The following CPA6 variants were observed in gnomAD, a reference collection of about 807,000 sequenced individuals.
CPA6 encodes the protein carboxypeptidase A6.
In CPA6, 58 loss-of-function variants were observed where a neutral mutation model predicts 63.3. The observed-to-expected ratio is 0.92, with a 90% CI of 0.74 to 1.14. The LOEUF is 1.14. Among genes scored for constraint, CPA6 ranks in the 50% most tolerant of loss-of-function variants. The pLI, the probability that CPA6 is intolerant of heterozygous loss-of-function variation, is 0.00. For missense variants in CPA6, 565 were observed against 526.6 expected (o/e 1.07, Z -0.71); for synonymous variants, 185 against 179.0 (o/e 1.03, Z -0.27).
intron 6 of CPA6, among the ~76,000 whole-genome samples, chr8:67,494,642 G>A (rs1000865601): frequency 6.6e-6 from 1 of 151,974 alleles, no homozygotes; most frequent in Admixed American, 6.6e-5. Flanking sequence ...AATTAAAGTG[G>A]CCTTTCCACA....
At chr8:67,563,965 G>C (rs1813276422) in intron 2 of CPA6, among the ~76,000 whole-genome samples, 1 of 152,066 alleles carries the variant, frequency 6.6e-6, no homozygotes, top group Admixed American at 6.6e-5. Context: ...CCTCTTCAAA[G>C]GTTTCAATAT....
chr8:67,631,960 C>A (rs145632939), intron 1 of CPA6, among the ~76,000 whole-genome samples: 48 of 152,280 alleles, frequency 3.2e-4, no homozygotes, highest in Non-Finnish European at 6.0e-4. Flanking sequence ...TCAGAAGGAA[C>A]AACTCCAGAC....
chr8:67,613,111 C>T (rs1814851977), intron 2 of CPA6, among the ~76,000 whole-genome samples: 2 of 152,204 alleles, frequency 1.3e-5, no homozygotes, highest in South Asian at 4.1e-4. Context: ...AATCCCACTT[C>T]CTCCATAAAA....
rs532210520 is a variant in CPA6, at chr8:67,656,617, C to T, written c.117-32366G>A. 7.2e-5 allele frequency among the ~76,000 whole-genome samples: 11 copies of T among 152,306 alleles called. No homozygotes were observed. In the East Asian group the frequency reaches 1.9e-3, roughly 27 times the overall value. On this transcript the variant is annotated intron_variant, in intron 1 of 10. Coordinates refer to ENST00000297770, the MANE Select transcript of CPA6 (RefSeq NM_020361.5). ...CATCAATGTAGGGTTCAAGGCTTGGCTCAGTCTTTAACCTCCCCAATGTCT... is the reference window on the plus strand; with the variant it reads ...CATCAATGTAGGGTTCAAGGCTTGGTTCAGTCTTTAACCTCCCCAATGTCT...
At chr8:67,712,017 T>C (rs552960208) in intron 1 of CPA6, among the ~76,000 whole-genome samples, 39 of 152,126 alleles carry the variant, frequency 2.6e-4, no homozygotes, top group Non-Finnish European at 4.7e-4. Flanking sequence ...ATCTGCCCCC[T>C]CCCGCTATCT....
chr8:67,462,758 T>C (rs1016869513), intron 8 of CPA6, among the ~76,000 whole-genome samples: 4 of 152,194 alleles, frequency 2.6e-5, no homozygotes, highest in African/African-American at 9.7e-5. Context: ...TTTTTAAGTA[T>C]CATTTGCATA....
At chr8:67,480,296 T>G (rs1476691639) in intron 8 of CPA6, among the ~76,000 whole-genome samples, 2 of 152,136 alleles carry the variant, frequency 1.3e-5, no homozygotes, top group Non-Finnish European at 2.9e-5. Flanking sequence ...CATTCTAGAA[T>G]GTTTTCATCA....
intron 8 of CPA6, among the ~76,000 whole-genome samples, chr8:67,453,963 C>A (rs746789651): frequency 1.3e-4 from 20 of 152,190 alleles, no homozygotes; most frequent in Admixed American, 7.2e-4. Flanking sequence ...ACATTAGACA[C>A]TGGAATATTC....
At chr8:67,733,218 AAAAAAATAAAAAAAT>A (rs1563412995) in intron 1 of CPA6, among the ~76,000 whole-genome samples, 1 of 118,210 alleles carries the variant, frequency 8.5e-6, no homozygotes, top group African/African-American at 3.6e-5. Context: ...AAAAAAAAAA[AAAAAAATAAAAAAAT>A]TTAGCGTCTA....
At chr8:67,471,175 G>A (rs528166778) in intron 8 of CPA6, among the ~76,000 whole-genome samples, 23 of 152,064 alleles carry the variant, frequency 1.5e-4, no homozygotes, top group Admixed American at 4.6e-4. Flanking sequence ...CTCCCAATGC[G>A]GGCCTTTACA....
At chr8:67,444,282 C>T (rs1243393939) in intron 8 of CPA6, among the ~76,000 whole-genome samples, 2 of 151,872 alleles carry the variant, frequency 1.3e-5, no homozygotes, top group South Asian at 4.2e-4. Flanking sequence ...GCCACCGCGC[C>T]GGGACGACAG....
intron 2 of CPA6, among the ~76,000 whole-genome samples, chr8:67,519,668 C>G (rs555414160): frequency 3.3e-4 from 50 of 152,318 alleles, no homozygotes; most frequent in African/African-American, 1.0e-3. Flanking sequence ...ACATGCCAGT[C>G]CAACAATCAG....
chr8:67,630,235 G>A (rs1196325876), intron 1 of CPA6, among the ~76,000 whole-genome samples: 1 of 151,962 alleles, frequency 6.6e-6, no homozygotes, highest in Non-Finnish European at 1.5e-5. Context: ...GACACAAAGT[G>A]GAAACTGACT....
Position 67,483,794 on chromosome 8 carries a change from T to C in CPA6, c.812A>G (p.Asn271Ser), listed in dbSNP as rs1389568016. The change falls in exon 8 of 11, where the codon AAT (asparagine) becomes AGT (serine). Residue 271 changes from asparagine (N) to serine (S), a missense_variant. By Grantham distance (46) the Asn-to-Ser change is conservative. Coordinates refer to ENST00000297770, the MANE Select transcript of CPA6 (RefSeq NM_020361.5). ...SRFRCRGVDA[N>S]RNWKVKWCDE... The stretch of plus-strand genomic sequence containing the variant: ...ACACCACTTCACTTTCCAGTTTCTA[T>C]TGGCATCCACTCCACGGCAGCGAAA... 2.5e-6 allele frequency: 4 copies of C among 1,614,078 alleles called. No homozygotes were observed. In the East Asian group the frequency reaches 6.7e-5, roughly 27 times the overall value.
At chr8:67,739,837 A>G (rs1309854885) in intron 1 of CPA6, among the ~76,000 whole-genome samples, 4 of 152,220 alleles carry the variant, frequency 2.6e-5, no homozygotes, top group African/African-American at 9.6e-5. Context: ...CCTTATTTTA[A>G]TAAGCTCATC....
chr8:67,509,466 ATGGATATT>A (rs777793102), intron 5 of CPA6, 43 bp downstream of exon 5: 1 of 862,742 alleles, frequency 1.2e-6, no homozygotes, highest in African/African-American at 1.7e-5. Context: ...GTTGAAAAAG[ATGGATATT>A]TGGTAAACAT....
Position 67,733,210 on chromosome 8 carries a change from A to T in CPA6, c.116+12804T>A, listed in dbSNP as rs915202283. Among the ~76,000 whole-genome samples the T allele has an allele frequency of 1.1e-3, 141 of 129,528 alleles. 2 individuals carry two copies. The highest frequency in any genetic ancestry group is 2.4e-3 in the African/African-American group (92 of 37,898). The allele number at this position is 129,528 out of a possible 152,430, so 85.0% of individuals were successfully genotyped here. A position where few individuals can be genotyped will look rare whatever the true frequency, so the allele number is the denominator to read the frequency against. On this transcript the variant is annotated intron_variant, in intron 1 of 10. Coordinates refer to ENST00000297770, the MANE Select transcript of CPA6 (RefSeq NM_020361.5). ...AGACTCCATCTCAAAAAAAAAAAAA[A>T]AAAAAAAAAAAAAATAAAAAAATTT...
rs78080273 is a variant in CPA6 at position 67,544,286 on chromosome 8, G to A, written c.193-26239C>T. Among the ~76,000 whole-genome samples the A allele has an allele frequency of 3.9e-3, 589 of 152,318 alleles. 7 individuals carry two copies. The highest frequency in any genetic ancestry group is 0.013 in the African/African-American group (550 of 41,558). On this transcript the variant is annotated intron_variant, in intron 2 of 10. Coordinates refer to ENST00000297770, the MANE Select transcript of CPA6 (RefSeq NM_020361.5). ...CTAAGAGCAGAAATGTGGTCAGGGT[G>A]TACTGTCAGAATCCCAGGTGTACCA...
chr8:67,461,827 C>T (rs1052011322), intron 8 of CPA6, among the ~76,000 whole-genome samples: 48 of 152,270 alleles, frequency 3.2e-4, no homozygotes, highest in African/African-American at 9.4e-4. Context: ...GCTGACCCCC[C>T]CACCTCCCTC....
Sources: gnomAD v4.1 joint callset for allele counts (sites outside exome capture counted in the v4.1 genomes callset) on GRCh38, gnomAD v4.1.1 for gene constraint, MANE v1.5 for transcripts, NCBI Gene and HGNC (gene_info 2026-07-23, HGNC 2026-07-21) for gene names.